CEP170: variants seen among roughly 807,000 people sequenced by gnomAD.
The protein encoded by CEP170 is centrosomal protein of 170 kDa.
Under a neutral mutation model 151.9 loss-of-function variants are expected in CEP170, and 21 were observed. The observed-to-expected ratio is 0.14, with a 90% CI of 0.10 to 0.20. The LOEUF (loss-of-function observed/expected upper bound fraction) is 0.20. Ranked by LOEUF, CEP170 falls within the 10% of genes least tolerant of loss-of-function variation. The pLI is 1.00. For missense variants in CEP170, 964 were observed against 1,892.9 expected, an observed-to-expected ratio of 0.51 and a Z score of 9.11; for synonymous variants, 356 against 648.8, an observed-to-expected ratio of 0.55 and a Z score of 6.86.
At chr1:243,187,618 A>G (rs544773329) in intron 8 of CEP170, among the ~76,000 whole-genome samples, 38 of 152,330 alleles carry the variant, frequency 2.5e-4, no homozygotes, top group African/African-American at 8.2e-4. Context: ...ATATGGTACC[A>G]AACAAAATAA....
At position 243,134,947 on chromosome 1, in the gene CEP170, TG is replaced by T. The variant is rs554048884; in HGVS notation, c.4319+1195del. 2.2e-3 allele frequency among the ~76,000 whole-genome samples: 331 copies of T among 152,266 alleles called. 2 individuals carry two copies. The highest frequency in any genetic ancestry group is 7.7e-3 in the African/African-American group (318 of 41,556). On this transcript the variant is annotated intron_variant, in intron 17 of 19. Coordinates refer to ENST00000366542, the MANE Select transcript of CEP170 (RefSeq NM_014812.3). ...AAAGTAGATAAAATATGATCAAGTT[TG>T]TATAGACGGTTGAGAAATGAACCCA... is the stretch of plus-strand genomic sequence containing the variant.
At chr1:243,140,280 T>A in intron 15 of CEP170, 173 bp from the exon 16 acceptor site, 1 of 986,492 alleles carries the variant, frequency 1.0e-6, no homozygotes, top group Non-Finnish European at 1.4e-6. Flanking sequence ...TTCAAATGTA[T>A]TTCCTTTATA....
chr1:243,144,321 C>A (rs548019558), intron 14 of CEP170, among the ~76,000 whole-genome samples: 2 of 152,302 alleles, frequency 1.3e-5, no homozygotes, highest in African/African-American at 4.8e-5. Context: ...AGAAGACATG[C>A]GACCATTTTT....
At chr1:243,128,510 C>G (rs1178196624) in intron 18 of CEP170, 2 of 512,886 alleles carry the variant, frequency 3.9e-6, no homozygotes, top group African/African-American at 4.1e-5. Flanking sequence ...AATACAATAA[C>G]TTTTTCAGTG....
intron 4 of CEP170, among the ~76,000 whole-genome samples, chr1:243,203,532 G>A (rs1468908692): frequency 6.6e-6 from 1 of 152,044 alleles, no homozygotes; most frequent in Non-Finnish European, 1.5e-5. Flanking sequence ...GTTATTCCAA[G>A]GGGTATGACC....
At chr1:243,205,349 A>G (rs2061336659) in intron 4 of CEP170, among the ~76,000 whole-genome samples, 1 of 152,236 alleles carries the variant, frequency 6.6e-6, no homozygotes. Flanking sequence ...AGCACAAGTC[A>G]GCAAACTTTT....
intron 13 of CEP170, among the ~76,000 whole-genome samples, chr1:243,161,094 G>A (rs1235652108): frequency 2.7e-5 from 4 of 148,506 alleles, no homozygotes; most frequent in African/African-American, 5.1e-5. Context: ...AGGCTGACAC[G>A]GGAGGACCGA....
intron 10 of CEP170, among the ~76,000 whole-genome samples, chr1:243,183,998 C>CTGAG (rs1224734097): frequency 6.6e-6 from 1 of 152,110 alleles, no homozygotes; most frequent in Non-Finnish European, 1.5e-5. Context: ...CCAAGCTAGC[C>CTGAG]CCTCACACTG....
chr1:243,230,030 C>A (rs2063590702), intron 1 of CEP170, among the ~76,000 whole-genome samples: 1 of 152,092 alleles, frequency 6.6e-6, no homozygotes, highest in African/African-American at 2.4e-5. Context: ...ATTACATTTC[C>A]AGATCTACCA....
At chr1:243,161,299 G>A (rs933854410) in intron 13 of CEP170, among the ~76,000 whole-genome samples, 120 of 138,604 alleles carry the variant, frequency 8.7e-4, no homozygotes, top group African/African-American at 6.2e-4. Flanking sequence ...GCAAGAGTCC[G>A]TCTCAAAAAA....
chr1:243,174,837 A>T (rs576851752), intron 10 of CEP170, among the ~76,000 whole-genome samples: 50 of 152,198 alleles, frequency 3.3e-4, no homozygotes, highest in Non-Finnish European at 6.3e-4. Context: ...TCTACCTTTA[A>T]CCCCCACTTG....
At chr1:243,250,605 A>G (rs2065847947) in intron 1 of CEP170, among the ~76,000 whole-genome samples, 1 of 152,232 alleles carries the variant, frequency 6.6e-6, no homozygotes, top group Non-Finnish European at 1.5e-5. Context: ...AAACCCCATG[A>G]CCAACATCAA....
At chr1:243,211,317 A>G (rs1221639987) in intron 4 of CEP170, 2 of 152,278 alleles carry the variant, frequency 1.3e-5, no homozygotes, top group Non-Finnish European at 2.9e-5. Flanking sequence ...TTAGATTCCT[A>G]ATTTTAAACA....
Position 243,164,302 on chromosome 1 carries a change from C to G in CEP170, c.3658G>C (p.Ala1220Pro). The change falls in exon 13 of 20, where the codon GCT becomes CCT. Residue 1220 changes from alanine (A) to proline (P), a missense_variant. By Grantham distance (27) the Ala-to-Pro change is conservative. Coordinates refer to ENST00000366542, the MANE Select transcript of CEP170 (RefSeq NM_014812.3). ...AATTTACCTGAAGCAGAGCCATGAG[C>G]TGAGGTCATACTTTTGACCTTGGAG... is the stretch of plus-strand genomic sequence containing the variant. The part of the protein sequence containing the change: ...SDSKVKSMTS[A>P]HGSASVNSRW... 1 of 1,514,054 alleles carries G rather than the reference C, an allele frequency of 6.6e-7. No individual in the cohort carries two copies. The highest frequency in any genetic ancestry group is 2.3e-5 in the East Asian group (1 of 44,006). 93.8% of individuals were successfully genotyped at this position (1,514,054 alleles called of 1,614,324 possible).
At position 243,166,238 on chromosome 1, in the gene CEP170, G is replaced by A. The variant is rs1285266410; in HGVS notation, c.1844-122C>T. 7.5e-6 allele frequency: 10 copies of A among 1,334,416 alleles called. No homozygotes were observed. In the East Asian group the frequency reaches 2.3e-4, roughly 30 times the overall value. The allele number at this position is 1,334,416 out of a possible 1,614,324, so 82.7% of individuals were successfully genotyped here. On this transcript the variant is annotated intron_variant, in intron 12 of 19. Coordinates refer to ENST00000366542, the MANE Select transcript of CEP170 (RefSeq NM_014812.3). ...TGGTTCCAGGCCCCTTATTCCCCCAGGATACCAAATCCCAAGGATGCTTGA... is the reference window on the plus strand; with the variant it reads ...TGGTTCCAGGCCCCTTATTCCCCCAAGATACCAAATCCCAAGGATGCTTGA...
chr1:243,139,787 T>G, intron 16 of CEP170, 150 bp downstream of exon 16: 2 of 550,772 alleles, frequency 3.6e-6, no homozygotes, highest in Non-Finnish European at 6.0e-6. Flanking sequence ...ACATAATTAT[T>G]TGTATATGAT....
At chr1:243,131,596 T>C (rs1398032358) in intron 17 of CEP170, among the ~76,000 whole-genome samples, 1 of 151,994 alleles carries the variant, frequency 6.6e-6, no homozygotes, top group East Asian at 1.9e-4. Context: ...TAAACTTTAC[T>C]ATAATATTTA....
rs1347439922 is a variant in CEP170, at chr1:243,125,447, T to C, written c.*1002A>G. On this transcript the variant is annotated 3_prime_UTR_variant, in exon 20 of 20. Coordinates refer to ENST00000366542, the MANE Select transcript of CEP170 (RefSeq NM_014812.3). ...AACTATCAACTAATCTTACGACTACTGGTTCTCCAAGTCCCCTAATGAAGA... is the reference window on the plus strand; with the variant it reads ...AACTATCAACTAATCTTACGACTACCGGTTCTCCAAGTCCCCTAATGAAGA... 6.5e-5 allele frequency: 10 copies of C among 152,732 alleles called. No individual in the cohort carries two copies. The highest frequency in any genetic ancestry group is 1.3e-4 in the Non-Finnish European group (9 of 68,112). The allele number at this position is 152,732 out of a possible 1,614,324, so 9.5% of individuals were successfully genotyped here.
At chr1:243,140,746 C>T (rs71214946) in intron 15 of CEP170, among the ~76,000 whole-genome samples, 1 of 152,182 alleles carries the variant, frequency 6.6e-6, no homozygotes, top group South Asian at 2.1e-4. Flanking sequence ...TGAAGAGGGA[C>T]TCAACCTAGT....
Sources: gnomAD v4.1 joint callset for allele counts (sites outside exome capture counted in the v4.1 genomes callset) on GRCh38, gnomAD v4.1.1 for gene constraint, MANE v1.5 for transcripts, NCBI Gene and HGNC (gene_info 2026-07-23, HGNC 2026-07-21) for gene names.